The following MAP3K19 variants were observed in gnomAD, a reference collection of about 807,000 sequenced individuals.
MAP3K19 encodes the protein mitogen-activated protein kinase kinase kinase 19, also known as SPS1/STE20-related protein kinase YSK4.
MAP3K19 carries 91 observed loss-of-function variants against 114.4 expected under a neutral mutation model. That is an observed-to-expected ratio of 0.80 (90% CI 0.67 to 0.95). The LOEUF (loss-of-function observed/expected upper bound fraction) is 0.95, where lower values mean the gene tolerates loss of function less well. MAP3K19 is among the 40% of genes least tolerant of loss of function. The pLI is 0.00. For missense variants in MAP3K19, 1,471 were observed against 1,573.2 expected, an observed-to-expected ratio of 0.94 and a Z score of 1.10; for synonymous variants, 518 against 530.5, an observed-to-expected ratio of 0.98 and a Z score of 0.32.
At chr2:135,023,122 T>G in intron 4 of MAP3K19, 1 of 209,590 alleles carries the variant, frequency 4.8e-6, no homozygotes, top group Non-Finnish European at 9.8e-6. Flanking sequence ...ACCCAGACTT[T>G]CCATTTCTTC....
intron 12 of MAP3K19, among the ~76,000 whole-genome samples, chr2:134,968,767 A>T (rs1313159893): frequency 6.9e-6 from 1 of 145,060 alleles, no homozygotes; most frequent in African/African-American, 2.6e-5. Flanking sequence ...CCGGGCAGAG[A>T]CGCTCCTCAC....
chr2:135,020,963 T>C lies in MAP3K19; in HGVS notation c.138+752A>G, dbSNP rs368610652. On this transcript the variant is annotated intron_variant, in intron 5 of 12. Coordinates refer to ENST00000392915, the MANE Select transcript of MAP3K19 (RefSeq NM_025052.5). ...CAGTGTGAAATGGACTAATACAAGG[T>C]GTGGACCACCACGGCTAGCCTAGAC... Among the ~76,000 whole-genome samples the C allele has an allele frequency of 7.9e-5, 12 of 152,300 alleles. No individual in the cohort carries two copies. In the East Asian group the frequency reaches 1.9e-3, roughly 24 times the overall value.
At position 135,033,376 on chromosome 2, in the gene MAP3K19, C is replaced by T. The variant is rs1350604139; in HGVS notation, c.-283-2876G>A. Among the ~76,000 whole-genome samples, 11 of 117,578 alleles carry T rather than the reference C, an allele frequency of 9.4e-5. 2 individuals are homozygous for T. Among genetic ancestry groups the T allele is most frequent in the Admixed American group, 3.3e-4 (4 of 12,124 alleles). 77.1% of individuals were successfully genotyped at this position (117,578 alleles called of 152,430 possible). A position where few individuals can be genotyped will look rare whatever the true frequency, so the allele number is the denominator to read the frequency against. ...CAGCTGGCCGGGTGGGGGGCTGACCCCCCCCACTGCCCTCCCGGACGGGGC... is the reference window on the plus strand; with the variant it reads ...CAGCTGGCCGGGTGGGGGGCTGACCTCCCCCACTGCCCTCCCGGACGGGGC... On this transcript the variant is annotated intron_variant, in intron 2 of 12. Transcript: ENST00000392915.
rs772463656 is a variant in MAP3K19, at chr2:134,986,823, C to T, written c.2049G>A (p.Thr683=). 26 of 1,614,030 alleles carry T rather than the reference C, an allele frequency of 1.6e-5. No homozygotes were observed. The highest frequency in any genetic ancestry group is 6.7e-5 in the African/African-American group (5 of 74,910). The stretch of plus-strand genomic sequence containing the variant: ...GAGCCGAACATATCTCACGGTAATA[C>T]GTGTTTTCATCCCTTTCAGTCTCTC... The part of the protein sequence containing the change: ...HVRETERDEN[T]YYREICSAPS... Residue 683 remains threonine, a synonymous_variant, in exon 10 of 13, where the codon ACG becomes ACA. Transcript: ENST00000392915.
At chr2:134,996,537 A>G (rs1686007471) in intron 8 of MAP3K19, among the ~76,000 whole-genome samples, 2 of 152,176 alleles carry the variant, frequency 1.3e-5, no homozygotes, top group South Asian at 2.1e-4. Flanking sequence ...GAACAAAGAA[A>G]GGGCAACTCA....
chr2:134,992,595 C>G (rs1487151572), intron 8 of MAP3K19, among the ~76,000 whole-genome samples: 5 of 152,158 alleles, frequency 3.3e-5, no homozygotes, highest in Non-Finnish European at 7.4e-5. Context: ...GCATCATTAC[C>G]CAGCTCGCAG....
At chr2:135,030,121 T>C (rs1002002306) in intron 3 of MAP3K19, among the ~76,000 whole-genome samples, 191 bp downstream of exon 3, 2 of 152,346 alleles carry the variant, frequency 1.3e-5, no homozygotes, top group East Asian at 1.9e-4. Flanking sequence ...ACTGCTCCTG[T>C]GTTCTTTTAT....
rs1683223613 is a variant in MAP3K19, at chr2:134,964,726, G to T, written c.*124C>A. 1 of 671,242 alleles carries T rather than the reference G, an allele frequency of 1.5e-6. No homozygotes were observed. Among genetic ancestry groups the T allele is most frequent in the African/African-American group, 1.8e-5 (1 of 55,862 alleles). 41.6% of individuals were successfully genotyped at this position (671,242 alleles called of 1,614,324 possible). ...CAACTTTCAGTTAATGACTCCATAG[G>T]ATCTGCTTAAACTGGGTTAGACTGA... On this transcript the variant is annotated 3_prime_UTR_variant, in exon 13 of 13. Coordinates refer to ENST00000392915, the MANE Select transcript of MAP3K19 (RefSeq NM_025052.5).
intron 12 of MAP3K19, among the ~76,000 whole-genome samples, chr2:134,973,072 G>A (rs1573912593): frequency 6.6e-6 from 1 of 152,252 alleles, no homozygotes; most frequent in East Asian, 1.9e-4. Context: ...CCTGGAAAAT[G>A]TTCCATGTTT....
rs374812927 is a variant in MAP3K19, at chr2:135,028,761, A to G, written c.-95+1551T>C. 2.6e-4 allele frequency among the ~76,000 whole-genome samples: 40 copies of G among 152,068 alleles called. 1 individual carries two copies. The East Asian group carries it at 7.7e-3, about 29-fold the overall frequency. Reference sequence around the variant, plus strand: ...AAGAAATGCACTAATTTCCATCTCTATTTCACTTTATGCCATGTAAGTATA... The same window carrying G: ...AAGAAATGCACTAATTTCCATCTCTGTTTCACTTTATGCCATGTAAGTATA... On this transcript the variant is annotated intron_variant, in intron 3 of 12. Coordinates refer to ENST00000392915, the MANE Select transcript of MAP3K19 (RefSeq NM_025052.5).
At chr2:135,008,810 A>C (rs1574009091) in intron 5 of MAP3K19, among the ~76,000 whole-genome samples, 2 of 151,760 alleles carry the variant, frequency 1.3e-5, no homozygotes, top group East Asian at 3.9e-4. Flanking sequence ...GCAGTGTCTC[A>C]CTCTGGCACA....
At chr2:135,025,320 G>A (rs1311599406) in intron 3 of MAP3K19, among the ~76,000 whole-genome samples, 2 of 149,266 alleles carry the variant, frequency 1.3e-5, no homozygotes, top group Non-Finnish European at 3.0e-5. Context: ...TCTTGGATGA[G>A]TGGAGCAATC....
chr2:134,968,032 G>T (rs528354363), intron 12 of MAP3K19, among the ~76,000 whole-genome samples: 21 of 152,128 alleles, frequency 1.4e-4, no homozygotes, highest in South Asian at 6.2e-4. Context: ...GTGTCCCTGG[G>T]TACTTGAGAT....
intron 8 of MAP3K19, among the ~76,000 whole-genome samples, chr2:134,995,145 C>A (rs1425646439): frequency 1.3e-5 from 2 of 151,890 alleles, no homozygotes; most frequent in Non-Finnish European, 2.9e-5. Flanking sequence ...GACCCCATCG[C>A]TACCAAAGAA....
intron 12 of MAP3K19, among the ~76,000 whole-genome samples, chr2:134,966,869 G>A (rs2322246): frequency 0.015 from 2,263 of 152,200 alleles, 55 homozygotes; most frequent in African/African-American, 0.051. Flanking sequence ...ATGGCCCAGC[G>A]GAGGGGAAGG....
In MAP3K19 at chr2:134,991,419, A is replaced by G. The variant is rs553447146; in HGVS notation, c.618+118T>C. The G allele has an allele frequency of 4.2e-5, 36 of 860,352 alleles. No individual in the cohort carries two copies. In the Admixed American group the frequency reaches 5.8e-4, roughly 14 times the overall value. 53.3% of individuals were successfully genotyped at this position (860,352 alleles called of 1,614,324 possible). A position where few individuals can be genotyped will look rare whatever the true frequency, so the allele number is the denominator to read the frequency against. On this transcript the variant is annotated intron_variant, in intron 9 of 12. Transcript: ENST00000392915. The stretch of plus-strand genomic sequence containing the variant: ...TTTGACTGTGTTGGGGACATCAGTG[A>G]CCCTACCCCCTGCATTGTTGAAGGG...
intron 8 of MAP3K19, among the ~76,000 whole-genome samples, chr2:134,997,556 C>G (rs1303144122): frequency 6.6e-6 from 1 of 152,150 alleles, no homozygotes; most frequent in Non-Finnish European, 1.5e-5. Context: ...CGCAGTGGCT[C>G]ACACCTGTAA....
chr2:134,976,978 G>C (rs553690591), intron 12 of MAP3K19, among the ~76,000 whole-genome samples: 2 of 150,702 alleles, frequency 1.3e-5, no homozygotes, highest in Non-Finnish European at 3.0e-5. Flanking sequence ...ACCCATGGAC[G>C]GAGGTTGCAG....
At chr2:135,046,664 T>A (rs1183990102) in intron 1 of MAP3K19, among the ~76,000 whole-genome samples, 1 of 152,236 alleles carries the variant, frequency 6.6e-6, no homozygotes, top group East Asian at 1.9e-4. Context: ...AAACCCAGTC[T>A]TTTTTATTTT....
Sources: allele counts gnomAD v4.1 joint callset (sites outside exome capture counted in the v4.1 genomes callset), GRCh38; gene constraint gnomAD v4.1.1; transcripts MANE v1.5; gene names NCBI Gene and HGNC (gene_info 2026-07-23, HGNC 2026-07-21).